CCBE1: variants seen among roughly 807,000 people sequenced by gnomAD.
CCBE1 encodes collagen and calcium binding EGF domains 1, also known as collagen and calcium-binding EGF domain-containing protein 1.
CCBE1 carries 37 observed loss-of-function variants against 50.0 expected under a neutral mutation model. That is an observed-to-expected ratio of 0.74 (90% CI 0.57 to 0.97). The LOEUF (loss-of-function observed/expected upper bound fraction) is 0.97, where lower values mean the gene tolerates loss of function less well. CCBE1 is among the 50% of genes least tolerant of loss of function. The pLI is 0.00. For synonymous variants in CCBE1, 234 were observed against 203.7 expected (o/e 1.15, Z -1.27); for missense variants, 538 against 523.8 (o/e 1.03, Z -0.26).
chr18:59,650,549 C>T (rs1451873857), intron 2 of CCBE1, among the ~76,000 whole-genome samples: 1 of 151,710 alleles, frequency 6.6e-6, no homozygotes, highest in Non-Finnish European at 1.5e-5. Context: ...TCAGCACCAG[C>T]TTATACTAAG....
intron 2 of CCBE1, among the ~76,000 whole-genome samples, chr18:59,563,118 T>C (rs1231050235): frequency 3.3e-5 from 5 of 152,118 alleles, no homozygotes; most frequent in Non-Finnish European, 7.4e-5. Flanking sequence ...ACCAGGTGGG[T>C]GAGCTGCCCA....
At chr18:59,599,521 T>C (rs1393366601) in intron 2 of CCBE1, among the ~76,000 whole-genome samples, 2 of 152,208 alleles carry the variant, frequency 1.3e-5, no homozygotes, top group African/African-American at 2.4e-5. Context: ...GTATAATTAA[T>C]GGAATTCATT....
rs543697642 is a variant in CCBE1 at position 59,532,943 on chromosome 18, A to AC, written c.213-52706dup. ...ATTGTGACCTCCTGCCTGGCAGTTC[A>AC]CCAATGGCCACAGGCTTTAGAACCT... On this transcript the variant is annotated intron_variant, in intron 2 of 10. Transcript: ENST00000439986. Among the ~76,000 whole-genome samples the AC allele has an allele frequency of 5.3e-5, 8 of 152,354 alleles. No individual in the cohort carries two copies. In the East Asian group the frequency reaches 1.5e-3, roughly 29 times the overall value.
In CCBE1 at chr18:59,433,979, C is replaced by T. The variant is rs1421964252; in HGVS notation, c.*1929G>A. ...TGCAGTAGCGCAATCTAGGCTCCCC[C>T]CGCAGGTTAAAGTAATTCTCCTGCC... is the stretch of plus-strand genomic sequence containing the variant. On this transcript the variant is annotated 3_prime_UTR_variant, in exon 11 of 11. Coordinates refer to ENST00000439986, the MANE Select transcript of CCBE1 (RefSeq NM_133459.4). 2.7e-5 allele frequency: 4 copies of T among 148,552 alleles called. No individual in the cohort carries two copies. Among genetic ancestry groups the T allele is most frequent in the African/African-American group, 1.0e-4 (4 of 39,918 alleles). 9.2% of individuals were successfully genotyped at this position (148,552 alleles called of 1,614,324 possible).
chr18:59,626,607 C>A (rs541295287), intron 2 of CCBE1, among the ~76,000 whole-genome samples: 1 of 152,362 alleles, frequency 6.6e-6, no homozygotes, highest in Non-Finnish European at 1.5e-5. Context: ...GTATTAGCAT[C>A]ATCCTTATTT....
intron 2 of CCBE1, among the ~76,000 whole-genome samples, chr18:59,517,150 G>A (rs1326086719): frequency 6.6e-6 from 1 of 152,168 alleles, no homozygotes; most frequent in African/African-American, 2.4e-5. Context: ...AGTTATTTTT[G>A]ACTTCTGTGC....
chr18:59,437,531 C>G (rs1285577841), intron 10 of CCBE1, among the ~76,000 whole-genome samples: 1 of 152,170 alleles, frequency 6.6e-6, no homozygotes, highest in Non-Finnish European at 1.5e-5. Context: ...GTGGCCACAG[C>G]CGCTGGATTT....
At chr18:59,624,273 T>G (rs2053749127) in intron 2 of CCBE1, among the ~76,000 whole-genome samples, 1 of 152,188 alleles carries the variant, frequency 6.6e-6, no homozygotes, top group South Asian at 2.1e-4. Flanking sequence ...CAAATTCTCT[T>G]TGGCCTGTGA....
chr18:59,556,865 C>T (rs756065411), intron 2 of CCBE1, among the ~76,000 whole-genome samples: 5 of 152,194 alleles, frequency 3.3e-5, no homozygotes, highest in African/African-American at 7.2e-5. Flanking sequence ...AATATTTATA[C>T]ATTTTCAAAC....
At chr18:59,485,576 T>C in intron 2 of CCBE1, among the ~76,000 whole-genome samples, 1 of 135,364 alleles carries the variant, frequency 7.4e-6, no homozygotes, top group East Asian at 2.1e-4. Flanking sequence ...ATGCGCCAGA[T>C]ATATCAGATA....
chr18:59,582,253 T>TTATACTTTCTCCTGAACTCA, intron 2 of CCBE1, among the ~76,000 whole-genome samples: 1 of 152,328 alleles, frequency 6.6e-6, no homozygotes, highest in East Asian at 1.9e-4. Context: ...GTTAACTTTC[T>TTATACTTTCTCCTGAACTCA]TATACTTTCT....
intron 2 of CCBE1, among the ~76,000 whole-genome samples, chr18:59,556,914 A>T (rs1012972907): frequency 1.3e-5 from 2 of 152,218 alleles, no homozygotes; most frequent in African/African-American, 2.4e-5. Flanking sequence ...GCTAAGCTGG[A>T]ATTGTATTTC....
intron 2 of CCBE1, among the ~76,000 whole-genome samples, chr18:59,692,818 G>A (rs999043576): frequency 2.6e-5 from 4 of 152,088 alleles, no homozygotes; most frequent in Admixed American, 6.6e-5. Flanking sequence ...GATGAATACC[G>A]GCAGGGCAGA....
intron 2 of CCBE1, among the ~76,000 whole-genome samples, chr18:59,555,656 G>C (rs1476567900): frequency 6.6e-6 from 1 of 152,166 alleles, no homozygotes; most frequent in African/African-American, 2.4e-5. Context: ...AACAACCCTG[G>C]GGTCTTTACA....
At chr18:59,526,951 G>A (rs528278026) in intron 2 of CCBE1, among the ~76,000 whole-genome samples, 1 of 152,308 alleles carries the variant, frequency 6.6e-6, no homozygotes, top group African/African-American at 2.4e-5. Flanking sequence ...TTTAGAATAA[G>A]TACCAAGTGG....
At chr18:59,638,094 T>G (rs915794223) in intron 2 of CCBE1, among the ~76,000 whole-genome samples, 1 of 152,214 alleles carries the variant, frequency 6.6e-6, no homozygotes, top group African/African-American at 2.4e-5. Context: ...TTTCTCACCA[T>G]GTACAAGAAA....
chr18:59,639,363 T>G (rs1465801751), intron 2 of CCBE1, among the ~76,000 whole-genome samples: 2 of 152,200 alleles, frequency 1.3e-5, no homozygotes, highest in African/African-American at 4.8e-5. Flanking sequence ...AGAAATGTGA[T>G]TCATCACATA....
intron 4 of CCBE1, among the ~76,000 whole-genome samples, chr18:59,468,018 G>A (rs1911835355): frequency 1.3e-5 from 2 of 152,220 alleles, no homozygotes; most frequent in Admixed American, 1.3e-4. Context: ...AGAGAGAGGA[G>A]ATGAAGTTGA....
intron 2 of CCBE1, chr18:59,563,942 A>T (rs1449442332): frequency 6.6e-6 from 1 of 152,236 alleles, no homozygotes; most frequent in Non-Finnish European, 1.5e-5. Context: ...GGAGAATAGC[A>T]TGAACAGCAG....
Sources: allele counts gnomAD v4.1 joint callset (sites outside exome capture counted in the v4.1 genomes callset), GRCh38; gene constraint gnomAD v4.1.1; transcripts MANE v1.5; gene names NCBI Gene and HGNC (gene_info 2026-07-23, HGNC 2026-07-21).